The following SHPK variants were observed in gnomAD, a reference collection of about 807,000 sequenced individuals.
The protein encoded by SHPK is sedoheptulokinase.
In SHPK, 51 loss-of-function variants were observed where a neutral mutation model predicts 46.3. That is an observed-to-expected ratio of 1.10 (90% CI 0.88 to 1.39). The LOEUF (loss-of-function observed/expected upper bound fraction) is 1.39, where lower values mean the gene tolerates loss of function less well. SHPK is among the 40% of genes most tolerant of loss of function. SHPK has a pLI of 0.00. For synonymous variants in SHPK, 290 were observed against 273.9 expected (o/e 1.06, Z -0.58); for missense variants, 668 against 641.3 (o/e 1.04, Z -0.45).
intron 1 of SHPK, among the ~76,000 whole-genome samples, chr17:3,635,309 C>G (rs1256907961): frequency 1.3e-5 from 2 of 151,820 alleles, no homozygotes; most frequent in Non-Finnish European, 2.9e-5. Flanking sequence ...GATCTCGACT[C>G]ACTGCAAGCT....
rs1282741867 is a variant in SHPK at position 3,621,294 on chromosome 17, C to T, written c.766G>A (p.Ala256Thr). The change falls in exon 5 of 7, where the codon GCC (alanine) becomes ACC (threonine). Residue 256 changes from alanine (A) to threonine (T), a missense_variant. Physicochemically the swap from Ala to Thr is moderately conservative, Grantham distance 58. Coordinates refer to ENST00000225519, the MANE Select transcript of SHPK (RefSeq NM_013276.4). ...ACAGAGGCCTGTAAATCACCCAAGG[C>T]CACTCCCACCTGCGTCCCCTTTGGG... The part of the protein sequence containing the change: ...EIPKGTQVGV[A>T]LGDLQASVYS... 1 of 1,614,088 alleles carries T rather than the reference C, an allele frequency of 6.2e-7. No individual in the cohort carries two copies. Among genetic ancestry groups the T allele is most frequent in the Non-Finnish European group, 8.5e-7 (1 of 1,180,000 alleles).
At chr17:3,635,614 C>T (rs1277278504) in intron 1 of SHPK, among the ~76,000 whole-genome samples, 4 of 152,212 alleles carry the variant, frequency 2.6e-5, no homozygotes, top group Admixed American at 6.5e-5. Context: ...CATCTGATTT[C>T]CGGAGGAAAA....
chr17:3,634,770 A>T (rs943976203), intron 1 of SHPK, among the ~76,000 whole-genome samples: 1 of 152,072 alleles, frequency 6.6e-6, no homozygotes, highest in African/African-American at 2.4e-5. Flanking sequence ...GAAAGCTTCT[A>T]TGTAGATACA....
At chr17:3,611,122 G>T in intron 6 of SHPK, 150 bp from the exon 7 acceptor site, 1 of 735,514 alleles carries the variant, frequency 1.4e-6, no homozygotes, top group Non-Finnish European at 2.2e-6. Flanking sequence ...GACTGCTATA[G>T]CCAGGCTAGC....
chr17:3,631,496 A>G (rs1032423661), intron 1 of SHPK, among the ~76,000 whole-genome samples: 11 of 131,726 alleles, frequency 8.4e-5, no homozygotes, highest in African/African-American at 3.0e-4. Flanking sequence ...AAAAATATAC[A>G]CTATCTAATT....
chr17:3,612,652 T>C (rs2075347031), intron 6 of SHPK, among the ~76,000 whole-genome samples: 1 of 152,098 alleles, frequency 6.6e-6, no homozygotes. Context: ...TTGCAGTTGA[T>C]TCTTATACAC....
Position 3,623,992 on chromosome 17 carries a change from C to T in SHPK, c.494+56G>A, listed in dbSNP as rs992854874. 2.0e-6 allele frequency: 3 copies of T among 1,517,892 alleles called. No homozygotes were observed. In the African/African-American group the frequency reaches 4.1e-5, roughly 21 times the overall value. 94.0% of individuals were successfully genotyped at this position (1,517,892 alleles called of 1,614,324 possible). ...CGGGGTGATGCTGACGCAGCCCCGG[C>T]CTATTCTCATTCTCCCGGAAACCCA... On this transcript the variant is annotated intron_variant, in intron 3 of 6. Coordinates refer to ENST00000225519, the MANE Select transcript of SHPK (RefSeq NM_013276.4).
chr17:3,628,689 C>G (rs1465977321), intron 2 of SHPK, among the ~76,000 whole-genome samples: 1 of 152,060 alleles, frequency 6.6e-6, no homozygotes, highest in African/African-American at 2.4e-5. Flanking sequence ...TGCTCTGTAG[C>G]CCATGCTGGA....
intron 1 of SHPK, among the ~76,000 whole-genome samples, chr17:3,635,193 T>TGAAGGAAGGAAGGAAG (rs1555555958): frequency 1.7e-4 from 10 of 60,562 alleles, no homozygotes; most frequent in Non-Finnish European, 2.9e-4. Context: ...AAGGAAAGAA[T>TGAAGGAAGGAAGGAAG]GAAGGAAGGA....
chr17:3,633,766 G>A (rs1294917895), intron 1 of SHPK, among the ~76,000 whole-genome samples: 1 of 152,122 alleles, frequency 6.6e-6, no homozygotes, highest in African/African-American at 2.4e-5. Context: ...TCTGGGTAGT[G>A]TACCCAACAG....
At chr17:3,622,411 C>A (rs1321725912) in intron 4 of SHPK, 1 of 183,050 alleles carries the variant, frequency 5.5e-6, no homozygotes, top group Admixed American at 6.5e-5. Context: ...AGGTTCGGCG[C>A]CATTATGGTT....
At chr17:3,621,090 A>T in intron 5 of SHPK, 147 bp downstream of exon 5, 1 of 698,710 alleles carries the variant, frequency 1.4e-6, no homozygotes, top group Non-Finnish European at 2.2e-6. Flanking sequence ...TGCAAGGACA[A>T]GGGTGCTTTT....
chr17:3,622,414 T>C, intron 4 of SHPK: 1 of 190,490 alleles, frequency 5.2e-6, no homozygotes, highest in Non-Finnish European at 9.7e-6. Context: ...TTCGGCGCCA[T>C]TATGGTTGGT....
chr17:3,630,213 G>A lies in SHPK; in HGVS notation c.302C>T (p.Thr101Ile). ...CCCCGAGCCCAGCATACCTTGGCCT[G>A]TTTTCCAAAACACGACTCCATGCAT... ...GQMHGVVFWK[T>I]GQGCEWTEGG... The change falls in exon 2 of 7, where the codon ACA (threonine) becomes ATA (isoleucine). Residue 101 changes from threonine (T) to isoleucine (I), a missense_variant. Physicochemically the swap from Thr to Ile is moderately conservative, Grantham distance 89. Coordinates refer to ENST00000225519, the MANE Select transcript of SHPK (RefSeq NM_013276.4). 6.2e-7 allele frequency: 1 copy of A among 1,613,552 alleles called. No individual in the cohort carries two copies. Among genetic ancestry groups the A allele is most frequent in the Non-Finnish European group, 8.5e-7 (1 of 1,179,856 alleles).
intron 5 of SHPK, chr17:3,619,750 T>C (rs756782363): frequency 7.7e-6 from 3 of 389,512 alleles, no homozygotes; most frequent in Non-Finnish European, 1.5e-5. Context: ...AAAAAAAAAT[T>C]TGGAAGAAGA....
intron 3 of SHPK, 146 bp from the exon 4 acceptor site, chr17:3,623,637 T>A: frequency 1.2e-6 from 1 of 806,964 alleles, no homozygotes; most frequent in South Asian, 1.6e-5. Context: ...TCCAGCTGGG[T>A]CCCTGGGATT....
rs758868336 is a variant in SHPK at position 3,636,240 on chromosome 17, C to T, written c.-21G>A. 1.8e-5 allele frequency: 28 copies of T among 1,581,346 alleles called. No homozygotes were observed. The highest frequency in any genetic ancestry group is 8.6e-7 in the Non-Finnish European group (1 of 1,159,208). ...GCCATTATCTCCCTGACCCGCGCAG[C>T]TCCAGTCTGCAGCCAGCGGCCCCAC... is the stretch of plus-strand genomic sequence containing the variant. On this transcript the variant is annotated 5_prime_UTR_variant, in exon 1 of 7. Transcript: ENST00000225519.
Position 3,610,873 on chromosome 17 carries a change from T to A in SHPK, c.1124A>T (p.Glu375Val), listed in dbSNP as rs2075335271. Residue 375 changes from glutamate (E) to valine (V), a missense_variant, in exon 7 of 7, where the codon GAG becomes GTG. Coordinates refer to ENST00000225519, the MANE Select transcript of SHPK (RefSeq NM_013276.4). ...GGCCAGCTGGTCCGGCAGGTGCCTC[T>A]CCCCCAGCACTGTCGGGGTGATGGT... The part of the protein sequence containing the change: ...HLTITPTVLG[E>V]RHLPDQLASV... 1 of 1,613,864 alleles carries A rather than the reference T, an allele frequency of 6.2e-7. No homozygotes were observed. The highest frequency in any genetic ancestry group is 8.5e-7 in the Non-Finnish European group (1 of 1,179,954).
In SHPK at chr17:3,610,642, A is replaced by G. The variant is rs1467038947; in HGVS notation, c.1355T>C (p.Met452Thr). The G allele has an allele frequency of 4.3e-6, 7 of 1,613,968 alleles. No individual in the cohort carries two copies. Among genetic ancestry groups the G allele is most frequent in the South Asian group, 1.1e-5 (1 of 91,084 alleles). ...TGCATCCACATCCTGCCCAAAGGACATGGGCAAAGGGAAAGCCCTCTGCAC... is the reference window on the plus strand; with the variant it reads ...TGCATCCACATCCTGCCCAAAGGACGTGGGCAAAGGGAAAGCCCTCTGCAC... ...QEVQRAFPLP[M>T]SFGQDVDAAV... is the part of the protein sequence containing the mutation. Residue 452 changes from methionine to threonine, a missense_variant, in exon 7 of 7, where the codon ATG (methionine) becomes ACG (threonine). Met to Thr is a moderately conservative substitution (Grantham distance 81, BLOSUM62 -1). Coordinates refer to ENST00000225519, the MANE Select transcript of SHPK (RefSeq NM_013276.4).
Sources: gnomAD v4.1 joint callset for allele counts (sites outside exome capture counted in the v4.1 genomes callset) on GRCh38, gnomAD v4.1.1 for gene constraint, MANE v1.5 for transcripts, NCBI Gene and HGNC (gene_info 2026-07-23, HGNC 2026-07-21) for gene names.